The following ZNF727 variants were observed in gnomAD, a reference collection of about 807,000 sequenced individuals.
ZNF727 encodes putative zinc finger protein 727.
In ZNF727, 11 loss-of-function variants were observed where a neutral mutation model predicts 11.5. The observed-to-expected ratio is 0.95, with a 90% CI of 0.60 to 1.58. ZNF727 has a LOEUF of 1.58. Among genes scored for constraint, ZNF727 ranks in the 40% most tolerant of loss-of-function variants. ZNF727 has a pLI of 0.00. For synonymous variants in ZNF727, 171 were observed against 196.1 expected (o/e 0.87, Z 1.07); for missense variants, 533 against 581.7 (o/e 0.92, Z 0.86).
intron 1 of ZNF727, among the ~76,000 whole-genome samples, chr7:64,045,922 G>C (rs1789497027): frequency 6.6e-6 from 1 of 152,242 alleles, no homozygotes; most frequent in Admixed American, 6.5e-5. Flanking sequence ...CATAAGACGA[G>C]AATCCTCATT....
At position 64,079,787 on chromosome 7, in the gene ZNF727, G is replaced by A. The variant is rs1325120862; in HGVS notation, c.*1238G>A. On this transcript the variant is annotated 3_prime_UTR_variant, in exon 4 of 4. Transcript: ENST00000456806. ...TTGTGTACTTTAGTGTGTTTTTGTA[G>A]TGACTGTTTATAGTCTTTTTCTTAT... Among the ~76,000 whole-genome samples the A allele has an allele frequency of 6.6e-6, 1 of 152,094 alleles. No individual in the cohort carries two copies. Among genetic ancestry groups the A allele is most frequent in the Non-Finnish European group, 1.5e-5 (1 of 68,026 alleles).
In ZNF727 at chr7:64,078,440, C is replaced by G. The variant is rs1785727317; in HGVS notation, c.1391C>G (p.Ser464Cys). 6.3e-7 allele frequency: 1 copy of G among 1,583,054 alleles called. No homozygotes were observed. The highest frequency in any genetic ancestry group is 8.6e-7 in the Non-Finnish European group (1 of 1,164,176). The change falls in exon 4 of 4, where the codon TCC becomes TGC. Residue 464 changes from serine to cysteine, a missense_variant. Ser to Cys is a moderately radical substitution (Grantham distance 112). Coordinates refer to ENST00000456806, the MANE Select transcript of ZNF727 (RefSeq NM_001159522.3). ...GAATGTGGCAAAACCTTTACCTGCT[C>G]CTCAAGCCTTATTAAACACAAGAGA... ...CEECGKTFTCSSSLIKHKRSH... is the reference protein window; with the variant it reads ...CEECGKTFTCCSSLIKHKRSH...
intron 1 of ZNF727, among the ~76,000 whole-genome samples, chr7:64,065,440 A>G (rs778577339): frequency 6.6e-6 from 1 of 152,172 alleles, no homozygotes; most frequent in Non-Finnish European, 1.5e-5. Context: ...TAAAAGACAA[A>G]CAAAGGCAGA....
intron 1 of ZNF727, among the ~76,000 whole-genome samples, chr7:64,051,267 A>G (rs1038893959): frequency 1.3e-5 from 2 of 152,194 alleles, no homozygotes; most frequent in Non-Finnish European, 2.9e-5. Context: ...ATCCTGTATG[A>G]CTTTAAAACT....
rs561147561 is a variant in ZNF727 at position 64,084,200 on chromosome 7, G to A, written c.*5651G>A. Reference sequence around the variant, plus strand: ...CATTATAAGTGACAGGGTGATAGAAGTGTGGTAAGTGATTAGGATAATATT... The same window carrying A: ...CATTATAAGTGACAGGGTGATAGAAATGTGGTAAGTGATTAGGATAATATT... On this transcript the variant is annotated 3_prime_UTR_variant, in exon 4 of 4. Transcript: ENST00000456806. Among the ~76,000 whole-genome samples the A allele has an allele frequency of 7.9e-4, 121 of 152,312 alleles. No individual in the cohort carries two copies. The highest frequency in any genetic ancestry group is 2.7e-3 in the African/African-American group (112 of 41,570).
At chr7:64,070,946 G>C (rs1421776412) in intron 3 of ZNF727, among the ~76,000 whole-genome samples, 2 of 151,808 alleles carry the variant, frequency 1.3e-5, no homozygotes, top group African/African-American at 4.8e-5. Flanking sequence ...AGAATGTCAG[G>C]GTTTTATTAT....
intron 1 of ZNF727, among the ~76,000 whole-genome samples, chr7:64,066,622 C>A (rs1215752988): frequency 6.6e-6 from 1 of 152,214 alleles, no homozygotes; most frequent in East Asian, 1.9e-4. Flanking sequence ...AAACTGGACC[C>A]CTTCCTTACA....
chr7:64,058,948 G>GTTTTTTTTTTTTTTTTTT (rs989829902), intron 1 of ZNF727, among the ~76,000 whole-genome samples: 1 of 85,566 alleles, frequency 1.2e-5, no homozygotes, highest in East Asian at 3.6e-4. Context: ...CTATTGCATT[G>GTTTTTTTTTTTTTTTTTT]TCTTTTTTTT....
At position 64,084,772 on chromosome 7, in the gene ZNF727, C is replaced by T. The variant is rs1325852658; in HGVS notation, c.*6223C>T. ...CATCAATTTAAATATACAAATGTAT[C>T]ACTGTAAAATAAACTTTAAGTGTAA... On this transcript the variant is annotated 3_prime_UTR_variant, in exon 4 of 4. Transcript: ENST00000456806. 6.6e-6 allele frequency among the ~76,000 whole-genome samples: 1 copy of T among 152,052 alleles called. No individual in the cohort carries two copies. Among genetic ancestry groups the T allele is most frequent in the Non-Finnish European group, 1.5e-5 (1 of 67,994 alleles).
chr7:64,058,950 C>CT lies in ZNF727; in HGVS notation c.4-9929dup, dbSNP rs560995822. On this transcript the variant is annotated intron_variant, in intron 1 of 3. Transcript: ENST00000456806. Reference sequence around the variant, plus strand: ...CTATTGCTTATGGCTATTGCATTGTCTTTTTTTTTTTTGAGACGGAGTCTC... The same window carrying CT: ...CTATTGCTTATGGCTATTGCATTGTCTTTTTTTTTTTTTGAGACGGAGTCTC... Among the ~76,000 whole-genome samples the CT allele has an allele frequency of 4.3e-3, 620 of 145,272 alleles. 15 individuals carry two copies. The highest frequency in any genetic ancestry group is 0.011 in the African/African-American group (456 of 39,658).
At chr7:64,070,358 C>T (rs1789941244) in intron 3 of ZNF727, among the ~76,000 whole-genome samples, 1 of 151,934 alleles carries the variant, frequency 6.6e-6, no homozygotes, top group Admixed American at 6.6e-5. Flanking sequence ...ACATATTAAA[C>T]TCCCAATCTT....
chr7:64,050,441 G>T (rs1328662114), intron 1 of ZNF727, among the ~76,000 whole-genome samples: 6 of 152,138 alleles, frequency 3.9e-5, no homozygotes, highest in Admixed American at 1.3e-4. Context: ...AGAAGCCTGT[G>T]GCGCTTTATC....
chr7:64,080,426 C>G lies in ZNF727; in HGVS notation c.*1877C>G, dbSNP rs1383714000. Among the ~76,000 whole-genome samples the G allele has an allele frequency of 1.3e-5, 2 of 152,116 alleles. No individual in the cohort carries two copies. Among genetic ancestry groups the G allele is most frequent in the Non-Finnish European group, 2.9e-5 (2 of 68,022 alleles). On this transcript the variant is annotated 3_prime_UTR_variant, in exon 4 of 4. Coordinates refer to ENST00000456806, the MANE Select transcript of ZNF727 (RefSeq NM_001159522.3). The stretch of plus-strand genomic sequence containing the variant: ...TGAAGCTCTGAGATTCTTCCCTCTG[C>G]TTGGCCTATTCTTCTATTAACACTT...
rs1201294563 is a variant in ZNF727, at chr7:64,080,786, T to C, written c.*2237T>C. ...TGCTGAACTTTGAATGGGGTTTGGT[T>C]TTTTGGATCCTATTTGATGGTCTTG... On this transcript the variant is annotated 3_prime_UTR_variant, in exon 4 of 4. Transcript: ENST00000456806. Among the ~76,000 whole-genome samples, 1 of 152,174 alleles carries C rather than the reference T, an allele frequency of 6.6e-6. No individual in the cohort carries two copies. The highest frequency in any genetic ancestry group is 1.5e-5 in the Non-Finnish European group (1 of 68,036).
At chr7:64,052,148 A>G (rs1003018090) in intron 1 of ZNF727, among the ~76,000 whole-genome samples, 1 of 152,196 alleles carries the variant, frequency 6.6e-6, no homozygotes, top group African/African-American at 2.4e-5. Flanking sequence ...GTGTATGAGC[A>G]TCACTCCTCA....
At chr7:64,046,327 A>G (rs2116257610) in intron 1 of ZNF727, among the ~76,000 whole-genome samples, 1 of 152,278 alleles carries the variant, frequency 6.6e-6, no homozygotes, top group South Asian at 2.1e-4. Flanking sequence ...CCACTGTCGT[A>G]GCCTAAATTG....
At chr7:64,057,370 G>A (rs1584144244) in intron 1 of ZNF727, among the ~76,000 whole-genome samples, 1 of 152,192 alleles carries the variant, frequency 6.6e-6, no homozygotes, top group Non-Finnish European at 1.5e-5. Context: ...GGAATACCAT[G>A]CAGCCGTAAG....
At position 64,083,613 on chromosome 7, in the gene ZNF727, A is replaced by C. The variant is rs1477722920; in HGVS notation, c.*5064A>C. Among the ~76,000 whole-genome samples, 2 of 152,170 alleles carry C rather than the reference A, an allele frequency of 1.3e-5. No homozygotes were observed. Among genetic ancestry groups the C allele is most frequent in the Non-Finnish European group, 2.9e-5 (2 of 68,046 alleles). ...CACATAGCTCTGTGTGTTAAATTGAAGGCCTTGGTGAAGTGGGTTCCTGAG... is the reference window on the plus strand; with the variant it reads ...CACATAGCTCTGTGTGTTAAATTGACGGCCTTGGTGAAGTGGGTTCCTGAG... On this transcript the variant is annotated 3_prime_UTR_variant, in exon 4 of 4. Transcript: ENST00000456806.
rs1023961609 is a variant in ZNF727, at chr7:64,078,964, A to C, written c.*415A>C. Among the ~76,000 whole-genome samples the C allele has an allele frequency of 6.6e-6, 1 of 151,074 alleles. No individual in the cohort carries two copies. Among genetic ancestry groups the C allele is most frequent in the African/African-American group, 2.4e-5 (1 of 40,988 alleles). ...TCTCGGCCCTTAGAAAACATAAGAGAATTCATACTGGAGAGACACCCTACA... is the reference window on the plus strand; with the variant it reads ...TCTCGGCCCTTAGAAAACATAAGAGCATTCATACTGGAGAGACACCCTACA... On this transcript the variant is annotated 3_prime_UTR_variant, in exon 4 of 4. Transcript: ENST00000456806.
Sources: allele counts gnomAD v4.1 joint callset (sites outside exome capture counted in the v4.1 genomes callset), GRCh38; gene constraint gnomAD v4.1.1; transcripts MANE v1.5; gene names NCBI Gene and HGNC (gene_info 2026-07-23, HGNC 2026-07-21).